The following GRM8 variants were observed in gnomAD, a reference collection of about 807,000 sequenced individuals.
The protein encoded by GRM8 is glutamate metabotropic receptor 8, also known as metabotropic glutamate receptor 8.
GRM8 carries 47 observed loss-of-function variants against 87.2 expected under a neutral mutation model. The ratio of observed to expected loss-of-function variants is 0.54; its 90% CI spans 0.43 to 0.69. The LOEUF is 0.69. GRM8 is among the 30% of genes least tolerant of loss of function. The probability of loss-of-function intolerance (pLI) is 0.00; values close to 1 mark genes in which losing one functional copy is unlikely to be tolerated. For synonymous variants in GRM8, 396 were observed against 404.5 expected (o/e 0.98, Z 0.25); for missense variants, 1,019 against 1,139.2 (o/e 0.89, Z 1.52).
At position 126,473,808 on chromosome 7, in the gene GRM8, C is replaced by G. The variant is rs552295620; in HGVS notation, c.2431-27436G>C. Among the ~76,000 whole-genome samples the G allele has an allele frequency of 9.0e-4, 137 of 152,140 alleles. 1 individual carries two copies. Among genetic ancestry groups the G allele is most frequent in the African/African-American group, 3.2e-3 (132 of 41,522 alleles). On this transcript the variant is annotated intron_variant, in intron 9 of 10. Coordinates refer to ENST00000339582, the MANE Select transcript of GRM8 (RefSeq NM_000845.3). The stretch of plus-strand genomic sequence containing the variant: ...GGGGCAGGTTTTTCCCATCTGTTCT[C>G]ATGGTAGTGAATATGTCTCATGAGA...
chr7:127,129,624 G>A (rs1827564469), intron 2 of GRM8, among the ~76,000 whole-genome samples: 1 of 152,066 alleles, frequency 6.6e-6, no homozygotes. Flanking sequence ...CACAGTAGGG[G>A]ATTTAATTCC....
intron 3 of GRM8, among the ~76,000 whole-genome samples, chr7:127,098,603 G>A (rs1382544921): frequency 6.6e-6 from 1 of 151,522 alleles, no homozygotes; most frequent in African/African-American, 2.4e-5. Flanking sequence ...CAAACTTTTT[G>A]GCAACTGTCA....
intron 3 of GRM8, among the ~76,000 whole-genome samples, chr7:127,011,189 TA>T (rs1434312749): frequency 6.6e-6 from 1 of 152,118 alleles, no homozygotes. Flanking sequence ...AGCACAACCT[TA>T]AAACTCACAG....
intron 3 of GRM8, among the ~76,000 whole-genome samples, chr7:127,065,532 A>T (rs1291439304): frequency 6.6e-6 from 1 of 152,194 alleles, no homozygotes. Flanking sequence ...TAAATGTTTT[A>T]AAAAAAGAAA....
At chr7:126,681,029 A>G (rs941294871) in intron 7 of GRM8, among the ~76,000 whole-genome samples, 1 of 152,210 alleles carries the variant, frequency 6.6e-6, no homozygotes, top group Admixed American at 6.5e-5. Flanking sequence ...ATAAGAAGTT[A>G]TTCAGGAACA....
chr7:126,473,469 C>T (rs540890068), intron 9 of GRM8, among the ~76,000 whole-genome samples: 9 of 152,190 alleles, frequency 5.9e-5, no homozygotes, highest in East Asian at 5.8e-4. Flanking sequence ...TACCCAATGC[C>T]GGTACCCAAT....
At chr7:126,656,207 G>C (rs1457542658) in intron 7 of GRM8, among the ~76,000 whole-genome samples, 3 of 152,166 alleles carry the variant, frequency 2.0e-5, no homozygotes, top group African/African-American at 7.2e-5. Flanking sequence ...AAGATAACTA[G>C]AGTAACTTGC....
chr7:126,911,751 T>C (rs1471163146), intron 3 of GRM8, among the ~76,000 whole-genome samples: 2 of 152,174 alleles, frequency 1.3e-5, no homozygotes, highest in Admixed American at 1.3e-4. Flanking sequence ...GTTCTGAGGC[T>C]AGAATGGCCT....
intron 3 of GRM8, among the ~76,000 whole-genome samples, chr7:127,067,058 C>T (rs1821183396): frequency 6.6e-6 from 1 of 152,182 alleles, no homozygotes; most frequent in Non-Finnish European, 1.5e-5. Flanking sequence ...CCAGTATTCA[C>T]TCTGATGTGA....
At position 126,773,764 on chromosome 7, in the gene GRM8, G is replaced by C. The variant is rs975566207; in HGVS notation, c.1157-3699C>G. Among the ~76,000 whole-genome samples, 15 of 152,058 alleles carry C rather than the reference G, an allele frequency of 9.9e-5. No homozygotes were observed. The East Asian group carries it at 1.5e-3, about 16-fold the overall frequency. On this transcript the variant is annotated intron_variant, in intron 6 of 10. Transcript: ENST00000339582. ...TAATCCCAACATTTCGAAAGGCTGA[G>C]GTGGGAGGATTGCTTGATGTCAGGA...
chr7:126,472,772 T>C (rs1805434539), intron 9 of GRM8, among the ~76,000 whole-genome samples: 1 of 152,150 alleles, frequency 6.6e-6, no homozygotes, highest in Admixed American at 6.5e-5. Flanking sequence ...AAAAATGGTT[T>C]CCTGGGCAGA....
chr7:126,885,708 C>T (rs1050397728), intron 6 of GRM8, among the ~76,000 whole-genome samples: 5 of 152,032 alleles, frequency 3.3e-5, no homozygotes, highest in African/African-American at 1.2e-4. Context: ...TATAACAAAT[C>T]TGATTTAATT....
At chr7:127,029,837 T>C (rs928513520) in intron 3 of GRM8, among the ~76,000 whole-genome samples, 8 of 152,028 alleles carry the variant, frequency 5.3e-5, no homozygotes, top group Non-Finnish European at 1.5e-5. Flanking sequence ...TAAAGTTCCA[T>C]TTTTAATAGA....
intron 7 of GRM8, among the ~76,000 whole-genome samples, chr7:126,710,292 C>T (rs1810972153): frequency 6.6e-6 from 1 of 152,008 alleles, no homozygotes; most frequent in African/African-American, 2.4e-5. Context: ...AACGAGACAA[C>T]AATAAAGTAC....
chr7:126,870,461 C>A (rs1266409121), intron 6 of GRM8: 7 of 152,200 alleles, frequency 4.6e-5, no homozygotes, highest in Admixed American at 3.9e-4. Flanking sequence ...CATTAAGCTT[C>A]ATCTTTTCTG....
intron 9 of GRM8, among the ~76,000 whole-genome samples, chr7:126,455,876 T>A (rs777053014): frequency 1.3e-5 from 2 of 151,538 alleles, no homozygotes; most frequent in Non-Finnish European, 3.0e-5. Context: ...TAGCAAATAC[T>A]TAAGGAGAAT....
chr7:127,211,742 C>G (rs1796221927), intron 2 of GRM8, among the ~76,000 whole-genome samples: 1 of 152,196 alleles, frequency 6.6e-6, no homozygotes, highest in African/African-American at 2.4e-5. Flanking sequence ...CAACCAGACA[C>G]CATCTGTGGA....
intron 2 of GRM8, among the ~76,000 whole-genome samples, chr7:127,140,671 C>T (rs912485652): frequency 1.3e-5 from 2 of 152,076 alleles, no homozygotes; most frequent in African/African-American, 4.8e-5. Flanking sequence ...GGCCCTTGAA[C>T]GCCACCCAGC....
At chr7:127,089,401 T>C (rs1823836596) in intron 3 of GRM8, among the ~76,000 whole-genome samples, 1 of 152,152 alleles carries the variant, frequency 6.6e-6, no homozygotes, top group African/African-American at 2.4e-5. Context: ...TTTCTGTTGT[T>C]TTGAGCCACC....
Sources: allele counts gnomAD v4.1 joint callset (sites outside exome capture counted in the v4.1 genomes callset), GRCh38; gene constraint gnomAD v4.1.1; transcripts MANE v1.5; gene names NCBI Gene and HGNC (gene_info 2026-07-23, HGNC 2026-07-21).